Variants in PICALM observed in about 807,000 individuals in gnomAD.
PICALM encodes phosphatidylinositol binding clathrin assembly protein.
A neutral mutation model predicts 80.5 loss-of-function variants in PICALM; 40 were observed. That is an observed-to-expected ratio of 0.50 (90% CI 0.39 to 0.65). The LOEUF is 0.65. Ranked by LOEUF, PICALM falls within the 30% of genes least tolerant of loss-of-function variation. PICALM has a pLI of 0.00. For synonymous variants in PICALM, 288 were observed against 260.3 expected, an observed-to-expected ratio of 1.11 and a Z score of -1.02; for missense variants, 676 against 778.9, an observed-to-expected ratio of 0.87 and a Z score of 1.57.
chr11:86,037,643 G>A (rs2095866601), intron 1 of PICALM, among the ~76,000 whole-genome samples: 2 of 151,124 alleles, frequency 1.3e-5, no homozygotes, highest in Admixed American at 6.6e-5. Context: ...AGGTTACAGT[G>A]AACTGTGATC....
rs564785637 is a variant in PICALM at position 86,068,932 on chromosome 11, T to G, written c.-152A>C. 42 of 982,448 alleles carry G rather than the reference T, an allele frequency of 4.3e-5. No homozygotes were observed. The highest frequency in any genetic ancestry group is 5.8e-5 in the Non-Finnish European group (40 of 689,520). The allele number at this position is 982,448 out of a possible 1,614,324, so 60.9% of individuals were successfully genotyped here. A position where few individuals can be genotyped will look rare whatever the true frequency, so the allele number is the denominator to read the frequency against. ...TGGGGCGCGGTTCGGGGCCGCGCGC[T>G]GCCACCAGTCCAGAGAGAACCGGCT... On this transcript the variant is annotated 5_prime_UTR_variant, in exon 1 of 20. Coordinates refer to ENST00000393346, the MANE Select transcript of PICALM (RefSeq NM_007166.4).
chr11:86,067,239 C>T (rs1260402204), intron 1 of PICALM, among the ~76,000 whole-genome samples: 1 of 152,156 alleles, frequency 6.6e-6, no homozygotes, highest in Non-Finnish European at 1.5e-5. Flanking sequence ...GGCTTCCAGA[C>T]AGTGAATTAT....
intron 19 of PICALM, among the ~76,000 whole-genome samples, chr11:85,964,649 CCT>C (rs1288675738): frequency 6.7e-6 from 1 of 150,000 alleles, no homozygotes; most frequent in Non-Finnish European, 1.5e-5. Flanking sequence ...AATGTCATTG[CCT>C]CTGTGTTGTT....
chr11:86,036,056 G>A (rs2095838531), intron 1 of PICALM, among the ~76,000 whole-genome samples: 1 of 151,584 alleles, frequency 6.6e-6, no homozygotes, highest in South Asian at 2.1e-4. Context: ...TCAAATCTTT[G>A]TAATTTTTCC....
chr11:85,986,331 C>CT (rs2094568340), intron 13 of PICALM, among the ~76,000 whole-genome samples: 1 of 134,994 alleles, frequency 7.4e-6, no homozygotes, highest in Non-Finnish European at 1.6e-5. Context: ...ACATTATCGA[C>CT]TTTTTGTGAA....
At position 85,990,258 on chromosome 11, in the gene PICALM, A is replaced by G. The variant is rs748862465; in HGVS notation, c.1400T>C (p.Met467Thr). The G allele has an allele frequency of 1.4e-5, 23 of 1,590,402 alleles. No individual in the cohort carries two copies. The highest frequency in any genetic ancestry group is 1.9e-5 in the Non-Finnish European group (22 of 1,162,734). The change falls in exon 13 of 20, where the codon ATG becomes ACG. Residue 467 changes from methionine (M) to threonine (T), a missense_variant. By Grantham distance (81) the Met-to-Thr change is moderately conservative (BLOSUM62 -1). Around this residue, in one of 2 missense-constraint regions of PICALM, gnomAD observed 391 missense variants for 383.6 expected, o/e 1.02. Transcript: ENST00000393346. Reference protein sequence around the residue: ...TFTTRTPTHEMFVGFTPSPVA... With the variant: ...TFTTRTPTHETFVGFTPSPVA... ...GTTAAATGGTACTTTACCAACAAAC[A>G]TTTCATGAGTAGGTGTCCTAGTAGT...
At chr11:85,986,939 C>T (rs537555484) in intron 13 of PICALM, among the ~76,000 whole-genome samples, 1 of 152,316 alleles carries the variant, frequency 6.6e-6, no homozygotes, top group African/African-American at 2.4e-5. Flanking sequence ...CACAGTTTAT[C>T]ATTTAGAAAC....
chr11:86,047,022 C>CTATTATAATAT (rs2137208812), intron 1 of PICALM, among the ~76,000 whole-genome samples: 1 of 152,330 alleles, frequency 6.6e-6, no homozygotes, highest in South Asian at 2.1e-4. Context: ...AAGGAATGCT[C>CTATTATAATAT]TATTATAATA....
chr11:86,023,458 G>C (rs2095600007), intron 3 of PICALM: 1 of 985,074 alleles, frequency 1.0e-6, no homozygotes, highest in Non-Finnish European at 1.2e-6. Flanking sequence ...ACATTCCTCA[G>C]CTCTTCGGTT....
chr11:86,060,973 G>A (rs2096352230), intron 1 of PICALM, among the ~76,000 whole-genome samples: 1 of 152,146 alleles, frequency 6.6e-6, no homozygotes, highest in Admixed American at 6.5e-5. Context: ...TCTGCTCTGT[G>A]AAAGGCATTG....
At chr11:86,047,957 C>T (rs768330405) in intron 1 of PICALM, among the ~76,000 whole-genome samples, 15 of 151,908 alleles carry the variant, frequency 9.9e-5, no homozygotes, top group South Asian at 2.1e-4. Context: ...AAAAATTAGC[C>T]GGGCATGGTG....
chr11:86,030,858 T>G (rs1300712022), intron 2 of PICALM, among the ~76,000 whole-genome samples: 1 of 152,204 alleles, frequency 6.6e-6, no homozygotes, highest in East Asian at 1.9e-4. Flanking sequence ...CTTACGCCTG[T>G]AATCCCAGCA....
At chr11:86,007,292 G>A (rs2095298653) in intron 8 of PICALM, 2 of 243,360 alleles carry the variant, frequency 8.2e-6, no homozygotes, top group East Asian at 7.7e-5. Context: ...AATGATGATG[G>A]GAAAGAAAGA....
intron 19 of PICALM, among the ~76,000 whole-genome samples, chr11:85,962,128 T>C (rs1239579298): frequency 6.6e-6 from 1 of 152,152 alleles, no homozygotes; most frequent in Admixed American, 6.6e-5. Flanking sequence ...CAGAGCAGCA[T>C]GCCTGGGCTT....
intron 11 of PICALM, among the ~76,000 whole-genome samples, chr11:85,999,669 A>C (rs2136077019): frequency 6.6e-6 from 1 of 152,354 alleles, no homozygotes; most frequent in East Asian, 1.9e-4. Flanking sequence ...TCACGTAGTA[A>C]AACTTACACT....
chr11:85,997,399 C>T (rs1229495812), intron 11 of PICALM, among the ~76,000 whole-genome samples: 1 of 152,172 alleles, frequency 6.6e-6, no homozygotes, highest in Non-Finnish European at 1.5e-5. Flanking sequence ...ATCAATGATA[C>T]AGGGAAAAAA....
At position 86,047,312 on chromosome 11, in the gene PICALM, T is replaced by G. The variant is rs151063210; in HGVS notation, c.131-15701A>C. On this transcript the variant is annotated intron_variant, in intron 1 of 19. Transcript: ENST00000393346. ...ACAGTAGGCCACCTCTTGTCTGGTTTAGTATAATCCTCATTGGCATAATCA... is the reference window on the plus strand; with the variant it reads ...ACAGTAGGCCACCTCTTGTCTGGTTGAGTATAATCCTCATTGGCATAATCA... 2.0e-4 allele frequency among the ~76,000 whole-genome samples: 31 copies of G among 152,370 alleles called. No individual in the cohort carries two copies. In the East Asian group the frequency reaches 6.0e-3, roughly 29 times the overall value.
At chr11:85,962,915 C>T (rs2093737927) in intron 19 of PICALM, among the ~76,000 whole-genome samples, 1 of 152,182 alleles carries the variant, frequency 6.6e-6, no homozygotes, top group Non-Finnish European at 1.5e-5. Context: ...ACACACCATG[C>T]ACTGGTGAGA....
chr11:85,996,968 A>G (rs2094986453), intron 11 of PICALM, 39 bp from the exon 12 acceptor site: 1 of 1,391,372 alleles, frequency 7.2e-7, no homozygotes, highest in East Asian at 2.3e-5. Context: ...ATTTACCAGA[A>G]AAACTTTGCT....
Sources: gnomAD v4.1 joint callset for allele counts (sites outside exome capture counted in the v4.1 genomes callset) on GRCh38, gnomAD v4.1.1 for gene constraint, gnomAD v4.1.1 regional missense constraint, MANE v1.5 for transcripts, NCBI Gene and HGNC (gene_info 2026-07-23, HGNC 2026-07-21) for gene names.